CDH18: variants seen among roughly 807,000 people sequenced by gnomAD.
The protein encoded by CDH18 is cadherin-18.
In CDH18, 31 loss-of-function variants were observed where a neutral mutation model predicts 67.9. That is an observed-to-expected ratio of 0.46 (90% CI 0.34 to 0.62). CDH18 has a LOEUF of 0.62. CDH18 is among the 20% of genes least tolerant of loss of function. CDH18 has a pLI of 0.01. For missense variants in CDH18, 890 were observed against 975.5 expected (o/e 0.91, Z 1.17); for synonymous variants, 362 against 347.2 (o/e 1.04, Z -0.48).
At chr5:20,319,868 A>G (rs1049267815) in intron 1 of CDH18, among the ~76,000 whole-genome samples, 2 of 152,134 alleles carry the variant, frequency 1.3e-5, no homozygotes, top group South Asian at 2.1e-4. Flanking sequence ...TCCGTCTCCC[A>G]CTCCTGGTTT....
At chr5:20,510,069 T>C (rs1176728637) in intron 1 of CDH18, among the ~76,000 whole-genome samples, 1 of 152,188 alleles carries the variant, frequency 6.6e-6, no homozygotes, top group African/African-American at 2.4e-5. Flanking sequence ...TTTCATCTTT[T>C]TGGTAATAGC....
At chr5:20,137,156 G>A (rs1023832729) in intron 2 of CDH18, among the ~76,000 whole-genome samples, 13 of 152,196 alleles carry the variant, frequency 8.5e-5, no homozygotes, top group Non-Finnish European at 1.3e-4. Context: ...AAGTTCTCCC[G>A]GGTAATATCC....
chr5:20,401,290 C>A (rs1360844524), intron 1 of CDH18, among the ~76,000 whole-genome samples: 1 of 152,110 alleles, frequency 6.6e-6, no homozygotes, highest in African/African-American at 2.4e-5. Context: ...AGGTGCATAT[C>A]ATGTATGTAT....
chr5:19,941,027 T>C (rs976072637), intron 2 of CDH18, among the ~76,000 whole-genome samples: 1 of 152,074 alleles, frequency 6.6e-6, no homozygotes, highest in Non-Finnish European at 1.5e-5. Flanking sequence ...TTAAACTAAA[T>C]GTTTGTGTTT....
chr5:20,483,884 G>A (rs552454275), intron 1 of CDH18, among the ~76,000 whole-genome samples: 1 of 152,016 alleles, frequency 6.6e-6, no homozygotes, highest in African/African-American at 2.4e-5. Flanking sequence ...AAGAATTATT[G>A]AGAAATACCC....
chr5:19,571,976 C>T (rs1444721067), intron 7 of CDH18, 144 bp from the exon 8 acceptor site: 27 of 672,124 alleles, frequency 4.0e-5, no homozygotes, highest in South Asian at 6.1e-5. Flanking sequence ...TGTTCTAAAA[C>T]GAACTATGAA....
chr5:20,552,874 C>G (rs983242499), intron 1 of CDH18, among the ~76,000 whole-genome samples: 4 of 152,030 alleles, frequency 2.6e-5, no homozygotes, highest in African/African-American at 9.7e-5. Context: ...CCTGTCTCAG[C>G]CTCCTGAGTA....
intron 1 of CDH18, among the ~76,000 whole-genome samples, chr5:20,389,961 TC>T (rs1350877916): frequency 6.6e-6 from 1 of 152,162 alleles, no homozygotes; most frequent in Non-Finnish European, 1.5e-5. Flanking sequence ...CTGGATCCCT[TC>T]CTTACACCTT....
intron 2 of CDH18, among the ~76,000 whole-genome samples, chr5:20,110,927 A>G (rs796133841): frequency 2.0e-4 from 30 of 152,330 alleles, no homozygotes; most frequent in African/African-American, 7.0e-4. Context: ...ACTTGCAGGC[A>G]GATTTGTCTT....
chr5:19,479,665 C>A (rs951120951), intron 12 of CDH18, among the ~76,000 whole-genome samples: 2 of 152,028 alleles, frequency 1.3e-5, no homozygotes, highest in Non-Finnish European at 2.9e-5. Flanking sequence ...CCCATTTATC[C>A]GGAAATTTAT....
intron 9 of CDH18, among the ~76,000 whole-genome samples, chr5:19,532,691 G>T (rs1048136097): frequency 6.6e-6 from 1 of 152,170 alleles, no homozygotes. Context: ...CCCAAAGAAA[G>T]CTCTTAAAAT....
chr5:20,203,475 A>T (rs955491260), intron 2 of CDH18, among the ~76,000 whole-genome samples: 4 of 152,086 alleles, frequency 2.6e-5, no homozygotes, highest in African/African-American at 9.7e-5. Context: ...GGGACTTCCC[A>T]TGAAATGGGA....
chr5:19,974,047 T>C (rs1312390498), intron 2 of CDH18, among the ~76,000 whole-genome samples: 1 of 152,030 alleles, frequency 6.6e-6, no homozygotes, highest in Non-Finnish European at 1.5e-5. Flanking sequence ...TTTGAACCAG[T>C]AGGGTGGTAG....
chr5:20,277,432 A>G (rs552429389), intron 1 of CDH18, among the ~76,000 whole-genome samples: 1 of 152,294 alleles, frequency 6.6e-6, no homozygotes, highest in African/African-American at 2.4e-5. Flanking sequence ...AATCTTCAAG[A>G]GCCACACCAT....
intron 7 of CDH18, among the ~76,000 whole-genome samples, chr5:19,574,762 G>T (rs966700403): frequency 6.6e-6 from 1 of 151,952 alleles, no homozygotes; most frequent in Non-Finnish European, 1.5e-5. Context: ...AAAATCCCAG[G>T]TGAGGCACGG....
intron 4 of CDH18, among the ~76,000 whole-genome samples, chr5:19,741,017 G>A (rs1414291652): frequency 1.3e-5 from 2 of 151,698 alleles, no homozygotes; most frequent in African/African-American, 4.8e-5. Flanking sequence ...GGTTACATTT[G>A]CCCGCAATAA....
At chr5:19,586,935 G>T (rs1024749576) in intron 7 of CDH18, among the ~76,000 whole-genome samples, 3 of 152,116 alleles carry the variant, frequency 2.0e-5, no homozygotes, top group African/African-American at 7.2e-5. Context: ...TTGTGGTTTA[G>T]ATTTGCATTT....
intron 2 of CDH18, chr5:19,848,002 A>G (rs1287657491): frequency 1.3e-5 from 2 of 152,192 alleles, no homozygotes; most frequent in African/African-American, 4.8e-5. Context: ...GCTATACAAA[A>G]GGCAGACCCT....
At chr5:20,326,000 C>T (rs1366640666) in intron 1 of CDH18, among the ~76,000 whole-genome samples, 2 of 152,172 alleles carry the variant, frequency 1.3e-5, no homozygotes, top group African/African-American at 4.8e-5. Flanking sequence ...TCATTGCTTC[C>T]TCATACTTTT....
Sources: gnomAD v4.1 joint callset for allele counts (sites outside exome capture counted in the v4.1 genomes callset) on GRCh38, gnomAD v4.1.1 for gene constraint, MANE v1.5 for transcripts, NCBI Gene and HGNC (gene_info 2026-07-23, HGNC 2026-07-21) for gene names.